CADPS2: variants seen among roughly 807,000 people sequenced by gnomAD.
The protein encoded by CADPS2 is calcium dependent secretion activator 2, also known as calcium-dependent secretion activator 2.
CADPS2 carries 93 observed loss-of-function variants against 172.5 expected under a neutral mutation model. The observed-to-expected ratio is 0.54, with a 90% CI of 0.46 to 0.64. The LOEUF is 0.64. CADPS2 is among the 30% of genes least tolerant of loss of function. The pLI is 0.00. For synonymous variants in CADPS2, 546 were observed against 555.2 expected, an observed-to-expected ratio of 0.98 and a Z score of 0.23; for missense variants, 1,420 against 1,565.9, an observed-to-expected ratio of 0.91 and a Z score of 1.57.
intron 2 of CADPS2, among the ~76,000 whole-genome samples, chr7:122,705,220 T>C (rs886435887): frequency 7.3e-5 from 11 of 151,502 alleles, no homozygotes; most frequent in African/African-American, 2.7e-4. Flanking sequence ...TTTATCAGAA[T>C]GAGGTCTAAG....
At chr7:122,495,572 T>C (rs2058669864) in intron 9 of CADPS2, among the ~76,000 whole-genome samples, 1 of 152,200 alleles carries the variant, frequency 6.6e-6, no homozygotes, top group African/African-American at 2.4e-5. Flanking sequence ...GTCCTTCACT[T>C]TTTTTCACTT....
intron 1 of CADPS2, among the ~76,000 whole-genome samples, chr7:122,763,346 AGAGTGCT>A (rs1207036263): frequency 6.6e-6 from 1 of 152,188 alleles, no homozygotes; most frequent in Non-Finnish European, 1.5e-5. Context: ...TAGTGTGATG[AGAGTGCT>A]GAATCCTACT....
intron 1 of CADPS2, among the ~76,000 whole-genome samples, chr7:122,743,999 T>C (rs1408691246): frequency 2.0e-5 from 3 of 152,184 alleles, no homozygotes; most frequent in Non-Finnish European, 4.4e-5. Flanking sequence ...GCACAGATAT[T>C]TGGGACAGTG....
At chr7:122,824,454 T>C (rs962478815) in intron 1 of CADPS2, among the ~76,000 whole-genome samples, 5 of 152,252 alleles carry the variant, frequency 3.3e-5, no homozygotes, top group African/African-American at 1.2e-4. Context: ...TTCTGGATTC[T>C]TGACAATCTG....
intron 8 of CADPS2, among the ~76,000 whole-genome samples, chr7:122,533,319 A>C (rs1294531739): frequency 6.6e-6 from 1 of 152,116 alleles, no homozygotes; most frequent in Non-Finnish European, 1.5e-5. Context: ...TTTAACAATT[A>C]ATAATTGTCT....
intron 1 of CADPS2, among the ~76,000 whole-genome samples, chr7:122,807,929 G>C (rs1799148304): frequency 6.6e-6 from 1 of 152,216 alleles, no homozygotes; most frequent in South Asian, 2.1e-4. Context: ...GAGGTACTAG[G>C]GATTAAGACT....
chr7:122,778,777 T>G (rs999944479), intron 1 of CADPS2, among the ~76,000 whole-genome samples: 1 of 152,240 alleles, frequency 6.6e-6, no homozygotes, highest in Admixed American at 6.5e-5. Flanking sequence ...GAATTAATGC[T>G]GAAATGAGTT....
chr7:122,541,036 A>T (rs1404546424), intron 8 of CADPS2, among the ~76,000 whole-genome samples: 1 of 152,088 alleles, frequency 6.6e-6, no homozygotes, highest in Non-Finnish European at 1.5e-5. Flanking sequence ...AATGTCTAAA[A>T]TTACTGTAAA....
At chr7:122,647,626 A>G (rs2078704723) in intron 3 of CADPS2, among the ~76,000 whole-genome samples, 1 of 152,224 alleles carries the variant, frequency 6.6e-6, no homozygotes. Context: ...GTTTAAAGCA[A>G]AGATAATTTA....
chr7:122,716,601 C>A (rs1370912075), intron 2 of CADPS2, among the ~76,000 whole-genome samples: 3 of 152,212 alleles, frequency 2.0e-5, no homozygotes, highest in African/African-American at 7.2e-5. Flanking sequence ...ATGGGTGCAG[C>A]ACACCAACAT....
chr7:122,359,167 G>C (rs948971066), intron 27 of CADPS2, among the ~76,000 whole-genome samples: 2 of 152,046 alleles, frequency 1.3e-5, no homozygotes, highest in African/African-American at 4.8e-5. Flanking sequence ...ATATGCCTGT[G>C]AATAGCCACC....
rs529366040 is a variant in CADPS2, at chr7:122,529,386, G to GA, written c.1476-16072dup. Among the ~76,000 whole-genome samples, 33 of 152,098 alleles carry GA rather than the reference G, an allele frequency of 2.2e-4. No individual in the cohort carries two copies. In the South Asian group the frequency reaches 6.6e-3, roughly 31 times the overall value. On this transcript the variant is annotated intron_variant, in intron 8 of 29. Transcript: ENST00000449022. The stretch of plus-strand genomic sequence containing the variant: ...AAATAAGTAAGGCATTTATTTCACT[G>GA]AAAAAAGTATACCCATCCCTAATTT...
chr7:122,552,443 T>C lies in CADPS2; in HGVS notation c.1475+2107A>G, dbSNP rs188997164. Among the ~76,000 whole-genome samples the C allele has an allele frequency of 8.6e-4, 131 of 152,268 alleles. 1 individual carries two copies. Among genetic ancestry groups the C allele is most frequent in the Non-Finnish European group, 2.6e-4 (18 of 68,016 alleles). On this transcript the variant is annotated intron_variant, in intron 8 of 29. Coordinates refer to ENST00000449022, the MANE Select transcript of CADPS2 (RefSeq NM_017954.11). Reference sequence around the variant, plus strand: ...AGACGATGATATATCCTCTTTAGTCTTTTCCTTCACCTTTAGTCTTGGGCA... The same window carrying C: ...AGACGATGATATATCCTCTTTAGTCCTTTCCTTCACCTTTAGTCTTGGGCA...
intron 16 of CADPS2, among the ~76,000 whole-genome samples, chr7:122,441,162 G>T (rs2051298531): frequency 6.6e-6 from 1 of 152,134 alleles, no homozygotes; most frequent in Non-Finnish European, 1.5e-5. Flanking sequence ...TACAAATAAA[G>T]TTGGAGGATA....
intron 1 of CADPS2, among the ~76,000 whole-genome samples, chr7:122,750,491 C>A (rs973494662): frequency 6.6e-5 from 10 of 151,994 alleles, no homozygotes; most frequent in African/African-American, 2.4e-4. Context: ...TGTTTCTATG[C>A]CCAGTTATAA....
intron 27 of CADPS2, among the ~76,000 whole-genome samples, chr7:122,359,342 C>T (rs1193933827): frequency 6.6e-6 from 1 of 152,056 alleles, no homozygotes; most frequent in Non-Finnish European, 1.5e-5. Flanking sequence ...CCTGTAACCA[C>T]TGAAATAATT....
At chr7:122,731,576 G>A (rs2091643871) in intron 2 of CADPS2, among the ~76,000 whole-genome samples, 1 of 151,142 alleles carries the variant, frequency 6.6e-6, no homozygotes, top group Admixed American at 6.6e-5. Context: ...ACCAAAAAAT[G>A]GCCAAAAACG....
At chr7:122,738,067 C>T (rs572719788) in intron 1 of CADPS2, among the ~76,000 whole-genome samples, 24 of 152,206 alleles carry the variant, frequency 1.6e-4, no homozygotes, top group African/African-American at 5.3e-4. Context: ...GGAGAAAATG[C>T]TCTGAACTGG....
chr7:122,445,944 A>C (rs1202559881), intron 15 of CADPS2, among the ~76,000 whole-genome samples: 1 of 152,190 alleles, frequency 6.6e-6, no homozygotes, highest in Non-Finnish European at 1.5e-5. Flanking sequence ...CTTCCTTTCC[A>C]ATTTGGATGA....
Sources: gnomAD v4.1 joint callset for allele counts (sites outside exome capture counted in the v4.1 genomes callset) on GRCh38, gnomAD v4.1.1 for gene constraint, MANE v1.5 for transcripts, NCBI Gene and HGNC (gene_info 2026-07-23, HGNC 2026-07-21) for gene names.